The following DPY19L1 variants were observed in gnomAD, a reference collection of about 807,000 sequenced individuals.
DPY19L1 encodes protein C-mannosyl-transferase DPY19L1.
DPY19L1 carries 35 observed loss-of-function variants against 96.9 expected under a neutral mutation model. The ratio of observed to expected loss-of-function variants is 0.36; its 90% CI spans 0.28 to 0.48. The LOEUF is 0.48. DPY19L1 is among the 20% of genes least tolerant of loss of function. The pLI is 0.99. For synonymous variants in DPY19L1, 205 were observed against 252.6 expected (o/e 0.81, Z 1.79); for missense variants, 521 against 777.9 (o/e 0.67, Z 3.93).
chr7:34,963,627 G>A (rs1314188872), intron 10 of DPY19L1, among the ~76,000 whole-genome samples: 5 of 151,942 alleles, frequency 3.3e-5, no homozygotes, highest in African/African-American at 4.8e-5. Flanking sequence ...GTGTGTGTGC[G>A]TGTGTGCACA....
At chr7:34,934,251 C>A (rs1335549126) in intron 21 of DPY19L1, among the ~76,000 whole-genome samples, 1 of 152,162 alleles carries the variant, frequency 6.6e-6, no homozygotes, top group Non-Finnish European at 1.5e-5. Flanking sequence ...GCGTGACCCA[C>A]CGCGCCCGGC....
chr7:34,950,981 G>A (rs1457593830), intron 13 of DPY19L1, among the ~76,000 whole-genome samples: 1 of 151,982 alleles, frequency 6.6e-6, no homozygotes, highest in Non-Finnish European at 1.5e-5. Context: ...AATGGAAGAA[G>A]ATATACCAGG....
chr7:35,037,996 A>G, upstream of DPY19L1: 3 of 1,030,542 alleles, frequency 2.9e-6, no homozygotes, highest in South Asian at 4.9e-5. Context: ...CGCGCAGGCG[A>G]GACGCGGCGG....
intron 1 of DPY19L1, among the ~76,000 whole-genome samples, chr7:35,028,767 CT>C (rs1786190453): frequency 6.6e-6 from 1 of 152,136 alleles, no homozygotes; most frequent in East Asian, 1.9e-4. Context: ...TGATTATATG[CT>C]AAACAAGGGG....
intron 21 of DPY19L1, among the ~76,000 whole-genome samples, chr7:34,936,943 G>A (rs1281366423): frequency 1.3e-5 from 2 of 152,104 alleles, no homozygotes; most frequent in Non-Finnish European, 2.9e-5. Context: ...TCTCTTGAAC[G>A]CTTTTGTTTA....
intron 10 of DPY19L1, among the ~76,000 whole-genome samples, chr7:34,965,386 C>T (rs998210830): frequency 1.3e-5 from 2 of 151,884 alleles, no homozygotes; most frequent in African/African-American, 2.4e-5. Context: ...TAAAATAATG[C>T]CATTTGCATA....
intron 3 of DPY19L1, among the ~76,000 whole-genome samples, chr7:35,017,483 CAG>C (rs1323542707): frequency 2.4e-5 from 2 of 82,536 alleles, no homozygotes; most frequent in Non-Finnish European, 4.4e-5. Context: ...GCCTGGGCGA[CAG>C]AGCGAGACTC....
intron 11 of DPY19L1, among the ~76,000 whole-genome samples, chr7:34,955,846 C>A (rs1370547246): frequency 1.3e-5 from 2 of 152,132 alleles, no homozygotes; most frequent in East Asian, 3.9e-4. Flanking sequence ...AAAACTACTT[C>A]AAACATGGCA....
At chr7:34,995,213 C>A (rs1785256664) in intron 6 of DPY19L1, among the ~76,000 whole-genome samples, 1 of 152,068 alleles carries the variant, frequency 6.6e-6, no homozygotes, top group African/African-American at 2.4e-5. Context: ...GCTACTAAGT[C>A]CTTTTATTTT....
chr7:34,998,509 A>G (rs904788458), intron 6 of DPY19L1, among the ~76,000 whole-genome samples: 18 of 152,330 alleles, frequency 1.2e-4, no homozygotes, highest in African/African-American at 4.3e-4. Context: ...GTGTCTGCAT[A>G]TGACCAGGGG....
chr7:34,970,724 T>C (rs189201401), intron 8 of DPY19L1, among the ~76,000 whole-genome samples: 98 of 151,894 alleles, frequency 6.5e-4, no homozygotes, highest in Middle Eastern at 3.4e-3. Context: ...AATCTGGCAG[T>C]TGGATAAAGA....
intron 18 of DPY19L1, chr7:34,940,751 C>T (rs1459820087): frequency 5.9e-6 from 1 of 168,608 alleles, no homozygotes; most frequent in Non-Finnish European, 1.5e-5. Flanking sequence ...CCCTGGGTGA[C>T]ACTTTCTATT....
intron 7 of DPY19L1, 57 bp from the exon 8 acceptor site, chr7:34,973,662 G>A: frequency 1.1e-6 from 1 of 924,166 alleles, no homozygotes; most frequent in Non-Finnish European, 1.5e-6. Context: ...GACATTCCAA[G>A]TAAAAATTGC....
chr7:34,942,413 G>C (rs1030701160), intron 17 of DPY19L1, among the ~76,000 whole-genome samples: 3 of 152,214 alleles, frequency 2.0e-5, no homozygotes, highest in African/African-American at 7.2e-5. Context: ...GATCAGAGCA[G>C]AACATATGAG....
At chr7:35,033,783 A>C (rs1451829007) in intron 1 of DPY19L1, among the ~76,000 whole-genome samples, 1 of 152,124 alleles carries the variant, frequency 6.6e-6, no homozygotes, top group African/African-American at 2.4e-5. Context: ...TATGGGCTTC[A>C]AGGTTCTCGT....
chr7:34,958,941 T>C (rs537603637), intron 10 of DPY19L1, among the ~76,000 whole-genome samples: 7 of 152,246 alleles, frequency 4.6e-5, no homozygotes, highest in African/African-American at 9.6e-5. Context: ...GATTTCATTA[T>C]TTTCCTTAAC....
At chr7:34,985,384 C>A (rs1785025747) in intron 7 of DPY19L1, among the ~76,000 whole-genome samples, 1 of 152,074 alleles carries the variant, frequency 6.6e-6, no homozygotes, top group African/African-American at 2.4e-5. Flanking sequence ...ACAGAGTGTA[C>A]AGTCAACCCG....
chr7:34,995,515 T>C (rs186769295), intron 6 of DPY19L1, among the ~76,000 whole-genome samples: 101 of 152,286 alleles, frequency 6.6e-4, no homozygotes, highest in African/African-American at 2.3e-3. Context: ...GACCTCAAAA[T>C]ACTTTCCAGT....
chr7:34,958,094 A>G (rs1784417536), intron 10 of DPY19L1, 24 bp from the exon 11 acceptor site: 2 of 1,515,076 alleles, frequency 1.3e-6, no homozygotes, highest in Middle Eastern at 1.7e-4. Context: ...AGAAAAAAAT[A>G]TAAGTAATGC....
Sources: gnomAD v4.1 joint callset for allele counts (sites outside exome capture counted in the v4.1 genomes callset) on GRCh38, gnomAD v4.1.1 for gene constraint, MANE v1.5 for transcripts, NCBI Gene and HGNC (gene_info 2026-07-23, HGNC 2026-07-21) for gene names.